Variants in MTR observed in about 807,000 individuals in gnomAD.
The protein encoded by MTR is 5-methyltetrahydrofolate-homocysteine methyltransferase, also known as methionine synthase.
In MTR, 84 loss-of-function variants were observed where a neutral mutation model predicts 154.8. That is an observed-to-expected ratio of 0.54 (90% CI 0.45 to 0.65). MTR has a LOEUF of 0.65. Ranked by LOEUF, MTR falls within the 30% of genes least tolerant of loss-of-function variation. MTR has a pLI of 0.00. For synonymous variants in MTR, 554 were observed against 553.9 expected, an observed-to-expected ratio of 1.00 and a Z score of 0.00; for missense variants, 1,275 against 1,570.2, an observed-to-expected ratio of 0.81 and a Z score of 3.18.
intron 8 of MTR, among the ~76,000 whole-genome samples, chr1:236,818,842 A>G (rs956726915): frequency 6.6e-6 from 1 of 152,254 alleles, no homozygotes; most frequent in African/African-American, 2.4e-5. Context: ...AATAGTCCAC[A>G]CTAGGAGAAA....
chr1:236,848,406 C>G (rs1047824904), intron 15 of MTR, among the ~76,000 whole-genome samples: 1 of 152,162 alleles, frequency 6.6e-6, no homozygotes, highest in Admixed American at 6.5e-5. Flanking sequence ...GCCCCTGTGC[C>G]TTCTCTCTTA....
At chr1:236,862,632 C>T (rs1014376566) in intron 21 of MTR, among the ~76,000 whole-genome samples, 8 of 152,216 alleles carry the variant, frequency 5.3e-5, no homozygotes, top group Non-Finnish European at 8.8e-5. Flanking sequence ...TGATCATTTA[C>T]GAAGCTGCTG....
At chr1:236,798,426 T>C (rs1660521076) in intron 1 of MTR, among the ~76,000 whole-genome samples, 1 of 152,240 alleles carries the variant, frequency 6.6e-6, no homozygotes, top group Admixed American at 6.5e-5. Context: ...CCTATGTTTA[T>C]TCTTTGGAAC....
intron 25 of MTR, among the ~76,000 whole-genome samples, chr1:236,882,026 C>T (rs1015085625): frequency 6.6e-6 from 1 of 152,158 alleles, no homozygotes; most frequent in Non-Finnish European, 1.5e-5. Flanking sequence ...TTTAACAATT[C>T]TCCTTCATTA....
At chr1:236,864,031 C>A (rs1664697351) in intron 22 of MTR, among the ~76,000 whole-genome samples, 1 of 152,142 alleles carries the variant, frequency 6.6e-6, no homozygotes, top group African/African-American at 2.4e-5. Context: ...ACCCTGTGTT[C>A]TTGGTGATTA....
intron 9 of MTR, among the ~76,000 whole-genome samples, 172 bp downstream of exon 9, chr1:236,824,391 T>G (rs1662161734): frequency 1.3e-5 from 2 of 152,192 alleles, no homozygotes; most frequent in African/African-American, 4.8e-5. Context: ...CTGAGGGAAG[T>G]TCGGCTCACC....
rs763288919 is a variant in MTR, at chr1:236,895,523, A to G, written c.3571A>G (p.Arg1191Gly). The change falls in exon 31 of 33, where the codon AGA becomes GGA. Residue 1191 changes from arginine (R) to glycine (G), a missense_variant. Physicochemically the swap from Arg to Gly is moderately radical, Grantham distance 125. Transcript: ENST00000366577. ...PDHTEKLTMWRLADIEQSTGI... is the reference protein window; with the variant it reads ...PDHTEKLTMWGLADIEQSTGI... Reference sequence around the variant, plus strand: ...CCACACCGAGAAGCTCACCATGTGGAGACTCGCAGACATCGAGCAGTCTAC... The same window carrying G: ...CCACACCGAGAAGCTCACCATGTGGGGACTCGCAGACATCGAGCAGTCTAC... The G allele has an allele frequency of 3.5e-5, 55 of 1,586,218 alleles. No homozygotes were observed. The highest frequency in any genetic ancestry group is 4.5e-5 in the Non-Finnish European group (53 of 1,165,246).
At chr1:236,806,638 A>G (rs745420844) in intron 3 of MTR, among the ~76,000 whole-genome samples, 1 of 152,204 alleles carries the variant, frequency 6.6e-6, no homozygotes, top group Non-Finnish European at 1.5e-5. Flanking sequence ...CTTGAGTGGC[A>G]TTAAGTACAT....
rs116155346 is a variant in MTR, at chr1:236,866,869, G to A, written c.2405+3315G>A. Among the ~76,000 whole-genome samples the A allele has an allele frequency of 5.3e-5, 8 of 152,158 alleles. No individual in the cohort carries two copies. In the South Asian group the frequency reaches 6.2e-4, roughly 12 times the overall value. ...TAACAAATTGAAGAGAGCTCCAACC[G>A]TCTTCAATTTTGTGAAGGCTGAGAG... On this transcript the variant is annotated intron_variant, in intron 22 of 32. Transcript: ENST00000366577.
chr1:236,840,929 CGTT>C (rs1663193563), intron 15 of MTR, among the ~76,000 whole-genome samples: 1 of 152,056 alleles, frequency 6.6e-6, no homozygotes, highest in African/African-American at 2.4e-5. Flanking sequence ...TTTTGAGGCA[CGTT>C]GTTAAAATTG....
At chr1:236,863,286 T>G (rs1234132273) in intron 21 of MTR, among the ~76,000 whole-genome samples, 168 bp from the exon 22 acceptor site, 1 of 152,274 alleles carries the variant, frequency 6.6e-6, no homozygotes, top group Non-Finnish European at 1.5e-5. Context: ...GCTAGCCCAT[T>G]AGGTGGGCCT....
intron 8 of MTR, chr1:236,819,537 A>G (rs965714849): frequency 5.8e-6 from 2 of 342,242 alleles, no homozygotes; most frequent in Non-Finnish European, 1.1e-5. Flanking sequence ...AGTTGTAGCA[A>G]TTACAAATAA....
chr1:236,897,403 C>T (rs894071990), intron 32 of MTR, among the ~76,000 whole-genome samples, 155 bp from the exon 33 acceptor site: 13 of 151,466 alleles, frequency 8.6e-5, no homozygotes, highest in Non-Finnish European at 1.5e-4. Flanking sequence ...AAAAAGGCAA[C>T]TTGGTAGATA....
intron 5 of MTR, among the ~76,000 whole-genome samples, chr1:236,811,894 G>A (rs182453322): frequency 7.9e-5 from 12 of 152,332 alleles, no homozygotes; most frequent in Non-Finnish European, 1.5e-4. Context: ...TGTCAACGAT[G>A]TTACAAGAGG....
At chr1:236,815,993 C>A (rs957335799) in intron 7 of MTR, among the ~76,000 whole-genome samples, 2 of 152,194 alleles carry the variant, frequency 1.3e-5, no homozygotes, top group African/African-American at 4.8e-5. Flanking sequence ...GCCACATACC[C>A]AACACCTAAG....
chr1:236,805,699 T>G (rs1449114380), intron 2 of MTR, among the ~76,000 whole-genome samples: 1 of 152,128 alleles, frequency 6.6e-6, no homozygotes, highest in African/African-American at 2.4e-5. Flanking sequence ...GGTCTTTCTA[T>G]GTTGCACAGA....
chr1:236,803,127 T>G (rs1385843810), intron 1 of MTR, among the ~76,000 whole-genome samples: 1 of 152,194 alleles, frequency 6.6e-6, no homozygotes, highest in Non-Finnish European at 1.5e-5. Context: ...GAGCAAAGTC[T>G]TGTATCACTG....
intron 13 of MTR, among the ~76,000 whole-genome samples, chr1:236,834,646 A>G (rs556003244): frequency 2.0e-5 from 3 of 152,216 alleles, no homozygotes; most frequent in African/African-American, 7.2e-5. Context: ...AATCAAGACA[A>G]TATCAGCATC....
chr1:236,804,379 C>T (rs1660858118), intron 2 of MTR, among the ~76,000 whole-genome samples: 1 of 152,172 alleles, frequency 6.6e-6, no homozygotes, highest in Non-Finnish European at 1.5e-5. Context: ...AAAGCTGGCG[C>T]TCACCCATTA....
Sources: allele counts gnomAD v4.1 joint callset (sites outside exome capture counted in the v4.1 genomes callset), GRCh38; gene constraint gnomAD v4.1.1; transcripts MANE v1.5; gene names NCBI Gene and HGNC (gene_info 2026-07-23, HGNC 2026-07-21).